CNGB3: variants seen among roughly 807,000 people sequenced by gnomAD.
CNGB3 encodes the protein cyclic nucleotide-gated channel beta-3.
CNGB3 carries 86 observed loss-of-function variants against 92.8 expected under a neutral mutation model. The ratio of observed to expected loss-of-function variants is 0.93; its 90% CI spans 0.78 to 1.11. The LOEUF (loss-of-function observed/expected upper bound fraction) is 1.11. Among genes scored for constraint, CNGB3 ranks in the 50% least tolerant of loss-of-function variants. The pLI is 0.00. For synonymous variants in CNGB3, 333 were observed against 332.7 expected (o/e 1.00, Z -0.01); for missense variants, 1,026 against 956.8 (o/e 1.07, Z -0.95).
chr8:86,667,612 T>C (rs1022886549), intron 5 of CNGB3, among the ~76,000 whole-genome samples: 1 of 152,194 alleles, frequency 6.6e-6, no homozygotes, highest in Non-Finnish European at 1.5e-5. Flanking sequence ...AAGTAGTCCA[T>C]GTCCCTTCAC....
chr8:86,582,734 C>T (rs1325039424), intron 15 of CNGB3, among the ~76,000 whole-genome samples: 1 of 152,044 alleles, frequency 6.6e-6, no homozygotes, highest in Non-Finnish European at 1.5e-5. Flanking sequence ...AGGGAAATGA[C>T]CCTTCAAAAG....
At chr8:86,594,399 A>C (rs1263974603) in intron 15 of CNGB3, 1 of 289,846 alleles carries the variant, frequency 3.5e-6, no homozygotes, top group African/African-American at 2.3e-5. Context: ...AAGTCCCCAA[A>C]CCAGGCGTGC....
intron 14 of CNGB3, among the ~76,000 whole-genome samples, chr8:86,605,853 G>A (rs1822402105): frequency 6.6e-6 from 1 of 152,138 alleles, no homozygotes; most frequent in Non-Finnish European, 1.5e-5. Flanking sequence ...TAATTGCTGG[G>A]TTGTGTTTAA....
At chr8:86,722,891 T>C (rs1389546444) in intron 3 of CNGB3, among the ~76,000 whole-genome samples, 3 of 152,146 alleles carry the variant, frequency 2.0e-5, no homozygotes, top group East Asian at 1.9e-4. Flanking sequence ...AACTATATCA[T>C]TGGCTTTCCC....
At chr8:86,700,895 C>T (rs941331035) in intron 3 of CNGB3, among the ~76,000 whole-genome samples, 1 of 152,218 alleles carries the variant, frequency 6.6e-6, no homozygotes, top group African/African-American at 2.4e-5. Flanking sequence ...CAGCCTCAGC[C>T]TCCCAAAGTG....
chr8:86,711,339 C>A (rs1299247447), intron 3 of CNGB3, among the ~76,000 whole-genome samples: 1 of 152,144 alleles, frequency 6.6e-6, no homozygotes, highest in East Asian at 1.9e-4. Flanking sequence ...TTGTAATTTT[C>A]AAAAACTTTC....
At chr8:86,603,423 G>C (rs1001870799) in intron 15 of CNGB3, among the ~76,000 whole-genome samples, 2 of 152,088 alleles carry the variant, frequency 1.3e-5, no homozygotes, top group Admixed American at 6.5e-5. Context: ...GCTTAAATTT[G>C]CTGTCTATAT....
At chr8:86,717,488 AG>A (rs1280801788) in intron 3 of CNGB3, among the ~76,000 whole-genome samples, 2 of 146,404 alleles carry the variant, frequency 1.4e-5, no homozygotes, top group East Asian at 4.2e-4. Context: ...TTTTGAACCC[AG>A]GGGGTGGAGG....
intron 6 of CNGB3, chr8:86,658,912 G>A: frequency 1.1e-6 from 1 of 928,882 alleles, no homozygotes; most frequent in Non-Finnish European, 1.7e-6. Context: ...TTCTGCTCTA[G>A]CTCCAGCAGC....
In CNGB3 at chr8:86,574,970, A is replaced by T. The variant is rs1401771459; in HGVS notation, c.*834T>A. On this transcript the variant is annotated 3_prime_UTR_variant, in exon 18 of 18. Coordinates refer to ENST00000320005, the MANE Select transcript of CNGB3 (RefSeq NM_019098.5). ...ATTTTAAACAAGAAGTTCCAATCTG[A>T]TATCTTTTCCAGCAAGTGCTTGAGG... is the stretch of plus-strand genomic sequence containing the variant. The T allele has an allele frequency of 6.6e-6, 1 of 152,152 alleles. No homozygotes were observed. Among genetic ancestry groups the T allele is most frequent in the East Asian group, 1.9e-4 (1 of 5,200 alleles). The allele number at this position is 152,152 out of a possible 1,614,324, so 9.4% of individuals were successfully genotyped here. A position where few individuals can be genotyped will look rare whatever the true frequency, so the allele number is the denominator to read the frequency against.
intron 15 of CNGB3, among the ~76,000 whole-genome samples, chr8:86,580,875 A>G (rs1821750184): frequency 6.6e-6 from 1 of 152,258 alleles, no homozygotes; most frequent in African/African-American, 2.4e-5. Flanking sequence ...GAAGGATCAC[A>G]TTAACAAAAG....
At chr8:86,688,557 C>T (rs1008507634) in intron 3 of CNGB3, among the ~76,000 whole-genome samples, 1 of 151,894 alleles carries the variant, frequency 6.6e-6, no homozygotes, top group Non-Finnish European at 1.5e-5. Context: ...GAGACAGTTT[C>T]TTTCTGGAAT....
intron 6 of CNGB3, among the ~76,000 whole-genome samples, chr8:86,664,810 A>C (rs1187119549): frequency 6.6e-6 from 1 of 152,094 alleles, no homozygotes; most frequent in African/African-American, 2.4e-5. Flanking sequence ...TGTTCTACGT[A>C]CTTGTGATTT....
At chr8:86,660,303 G>A (rs1319308067) in intron 6 of CNGB3, 3 of 334,068 alleles carry the variant, frequency 9.0e-6, no homozygotes, top group Admixed American at 8.0e-5. Context: ...AGGCAGGGTG[G>A]GAGGTGGGGT....
chr8:86,732,529 A>G (rs957836692), intron 2 of CNGB3, among the ~76,000 whole-genome samples: 5 of 152,180 alleles, frequency 3.3e-5, no homozygotes, highest in Admixed American at 3.3e-4. Context: ...GAGAAAAAGT[A>G]ATTAGCTCCT....
chr8:86,633,355 G>A (rs1479736447), intron 10 of CNGB3, among the ~76,000 whole-genome samples: 1 of 152,136 alleles, frequency 6.6e-6, no homozygotes, highest in Non-Finnish European at 1.5e-5. Context: ...TGTCCTTTTG[G>A]AATGCCCAAG....
In CNGB3 at chr8:86,694,342, G is replaced by A. The variant is rs189657372; in HGVS notation, c.339-23244C>T. Among the ~76,000 whole-genome samples the A allele has an allele frequency of 8.4e-3, 1,244 of 148,768 alleles. 22 individuals are homozygous for A. The highest frequency in any genetic ancestry group is 0.029 in the African/African-American group (1,154 of 40,192). ...CACCTCCCGGATGGGGCGGCTGGCC[G>A]GGCGGGGGGCTGACCCCCCCACTTC... is the stretch of plus-strand genomic sequence containing the variant. On this transcript the variant is annotated intron_variant, in intron 3 of 17. Coordinates refer to ENST00000320005, the MANE Select transcript of CNGB3 (RefSeq NM_019098.5).
Position 86,693,904 on chromosome 8 carries a change from C to A in CNGB3, c.339-22806G>T, listed in dbSNP as rs181137867. 2.6e-3 allele frequency among the ~76,000 whole-genome samples: 402 copies of A among 152,300 alleles called. 3 individuals are homozygous for A. Among genetic ancestry groups the A allele is most frequent in the African/African-American group, 9.2e-3 (384 of 41,572 alleles). On this transcript the variant is annotated intron_variant, in intron 3 of 17. Transcript: ENST00000320005. The stretch of plus-strand genomic sequence containing the variant: ...CAATCTTTTCCCCACCCTTCCCCCC[C>A]TCTCCATTCCACAAAACCGCCATTG...
At chr8:86,594,096 G>A (rs181487722) in intron 15 of CNGB3, 33 of 311,188 alleles carry the variant, frequency 1.1e-4, no homozygotes, top group Non-Finnish European at 1.5e-4. Context: ...CCTGGAGGTC[G>A]GGATTGTCCT....
Sources: allele counts gnomAD v4.1 joint callset (sites outside exome capture counted in the v4.1 genomes callset), GRCh38; gene constraint gnomAD v4.1.1; transcripts MANE v1.5; gene names NCBI Gene and HGNC (gene_info 2026-07-23, HGNC 2026-07-21).